GJA1: variants seen among roughly 807,000 people sequenced by gnomAD.
The protein encoded by GJA1 is gap junction alpha-1 protein.
GJA1 carries 9 observed loss-of-function variants against 31.0 expected under a neutral mutation model. The observed-to-expected ratio is 0.29, with a 90% CI of 0.17 to 0.51. The LOEUF (loss-of-function observed/expected upper bound fraction) is 0.51, where lower values mean the gene tolerates loss of function less well. Ranked by LOEUF, GJA1 falls within the 20% of genes least tolerant of loss-of-function variation. GJA1 has a pLI of 0.98. For missense variants in GJA1, 278 were observed against 468.8 expected, an observed-to-expected ratio of 0.59 and a Z score of 3.76; for synonymous variants, 186 against 180.1, an observed-to-expected ratio of 1.03 and a Z score of -0.26.
intron 1 of GJA1, among the ~76,000 whole-genome samples, chr6:121,441,012 G>C (rs1364891840): frequency 7.5e-6 from 1 of 133,592 alleles, no homozygotes; most frequent in Non-Finnish European, 1.6e-5. Flanking sequence ...GCGCGATCCC[G>C]GCTCACTGCA....
chr6:121,440,364 T>C (rs1464754665), intron 1 of GJA1, among the ~76,000 whole-genome samples: 1 of 152,176 alleles, frequency 6.6e-6, no homozygotes, highest in African/African-American at 2.4e-5. Context: ...AAAAGCCTTT[T>C]TTCTTTTTTC....
intron 1 of GJA1, among the ~76,000 whole-genome samples, chr6:121,442,789 G>A (rs1186943835): frequency 2.0e-5 from 3 of 152,220 alleles, no homozygotes; most frequent in Non-Finnish European, 4.4e-5. Context: ...AGTGCCTGTA[G>A]CTTTGGGCAT....
rs992537025 is a variant in GJA1 at position 121,435,781 on chromosome 6, C to G, written c.-68C>G. 1 of 152,186 alleles carries G rather than the reference C, an allele frequency of 6.6e-6. No homozygotes were observed. Among genetic ancestry groups the G allele is most frequent in the African/African-American group, 2.4e-5 (1 of 41,422 alleles). The allele number at this position is 152,186 out of a possible 1,614,324, so 9.4% of individuals were successfully genotyped here. A position where few individuals can be genotyped will look rare whatever the true frequency, so the allele number is the denominator to read the frequency against. On this transcript the variant is annotated 5_prime_UTR_variant, in exon 1 of 2. The change creates a new upstream start codon in the 5' untranslated region. Coordinates refer to ENST00000282561, the MANE Select transcript of GJA1 (RefSeq NM_000165.5). ...AACTTGCCTTTTCATTTTACTTCAT[C>G]CTCCAAGGAGTTCAATCACTTGGCG...
At chr6:121,440,195 T>C (rs1347081629) in intron 1 of GJA1, among the ~76,000 whole-genome samples, 2 of 149,412 alleles carry the variant, frequency 1.3e-5, no homozygotes, top group Admixed American at 1.3e-4. Context: ...AACCACACAG[T>C]TGTGTTTTTT....
chr6:121,438,151 C>T (rs1773699762), intron 1 of GJA1, among the ~76,000 whole-genome samples: 2 of 152,196 alleles, frequency 1.3e-5, no homozygotes, highest in South Asian at 4.1e-4. Context: ...ATTATTAGAA[C>T]ATTGTTCCCC....
At chr6:121,442,295 T>C (rs1237005004) in intron 1 of GJA1, among the ~76,000 whole-genome samples, 1 of 152,364 alleles carries the variant, frequency 6.6e-6, no homozygotes, top group East Asian at 1.9e-4. Flanking sequence ...ATTAATGGCA[T>C]GGAAAGACTT....
Position 121,448,833 on chromosome 6 carries a change from A to C in GJA1, c.*837A>C. On this transcript the variant is annotated 3_prime_UTR_variant, in exon 2 of 2. Coordinates refer to ENST00000282561, the MANE Select transcript of GJA1 (RefSeq NM_000165.5). The stretch of plus-strand genomic sequence containing the variant: ...ACAATCACTTATATGTGTGTCGAAG[A>C]GTTTGTTTTGTTTGTCATGTATTGG... The C allele has an allele frequency of 6.0e-6, 1 of 167,174 alleles. No individual in the cohort carries two copies. The allele number at this position is 167,174 out of a possible 1,614,324, so 10.4% of individuals were successfully genotyped here. A position where few individuals can be genotyped will look rare whatever the true frequency, so the allele number is the denominator to read the frequency against.
chr6:121,448,027 C>T lies in GJA1; in HGVS notation c.*31C>T. On this transcript the variant is annotated 3_prime_UTR_variant, in exon 2 of 2. Transcript: ENST00000282561. ...GGCTTGAAAGCATCAAGATTCCACT[C>T]AATTGTGGAGAAGAAAAAAGGTGCT... 7 of 1,580,922 alleles carry T rather than the reference C, an allele frequency of 4.4e-6. No homozygotes were observed. The highest frequency in any genetic ancestry group is 1.1e-5 in the South Asian group (1 of 90,362).
intron 1 of GJA1, among the ~76,000 whole-genome samples, chr6:121,445,214 G>A (rs1207695028): frequency 6.6e-6 from 1 of 152,114 alleles, no homozygotes; most frequent in African/African-American, 2.4e-5. Flanking sequence ...GTGCAGTGGC[G>A]TGATCTCTGC....
chr6:121,440,801 G>C (rs775953360), intron 1 of GJA1, among the ~76,000 whole-genome samples: 1 of 152,028 alleles, frequency 6.6e-6, no homozygotes, highest in Non-Finnish European at 1.5e-5. Flanking sequence ...GAGTGCAGTG[G>C]TGTGATCTCT....
At chr6:121,440,331 C>T (rs1218198263) in intron 1 of GJA1, among the ~76,000 whole-genome samples, 4 of 152,040 alleles carry the variant, frequency 2.6e-5, no homozygotes, top group Non-Finnish European at 5.9e-5. Flanking sequence ...TCTCATTTAA[C>T]AAATTCAGGA....
intron 1 of GJA1, among the ~76,000 whole-genome samples, chr6:121,442,123 T>G (rs187136344): frequency 6.6e-6 from 1 of 152,328 alleles, no homozygotes; most frequent in East Asian, 1.9e-4. Flanking sequence ...TCTCTTTTCT[T>G]TCAATCATAA....
At chr6:121,446,729 G>C (rs565630621) in intron 1 of GJA1, 103 bp from the exon 2 acceptor site, 5 of 831,676 alleles carry the variant, frequency 6.0e-6, no homozygotes, top group Admixed American at 1.8e-5. Flanking sequence ...TTAGAAATAC[G>C]TGAAACCGTT....
At chr6:121,441,241 C>T (rs1324295692) in intron 1 of GJA1, among the ~76,000 whole-genome samples, 1 of 151,878 alleles carries the variant, frequency 6.6e-6, no homozygotes, top group Non-Finnish European at 1.5e-5. Flanking sequence ...CTTAAGCCAC[C>T]GCACCCGGTC....
intron 1 of GJA1, among the ~76,000 whole-genome samples, chr6:121,439,129 C>T (rs1232257181): frequency 6.6e-6 from 1 of 151,716 alleles, no homozygotes; most frequent in Non-Finnish European, 1.5e-5. Context: ...AAGACCCCAC[C>T]TCTATAAAAA....
intron 1 of GJA1, among the ~76,000 whole-genome samples, chr6:121,443,546 G>A (rs2114278257): frequency 6.6e-6 from 1 of 152,260 alleles, no homozygotes; most frequent in Middle Eastern, 3.4e-3. Flanking sequence ...ATGGAACTGT[G>A]GAGTGTTTTT....
intron 1 of GJA1, among the ~76,000 whole-genome samples, chr6:121,443,340 C>T (rs958689796): frequency 1.3e-5 from 2 of 152,000 alleles, no homozygotes; most frequent in Admixed American, 1.3e-4. Flanking sequence ...TAGTGGAGAT[C>T]GACAGGTAGC....
rs1415412961 is a variant in GJA1 at position 121,447,501 on chromosome 6, G to A, written c.654G>A (p.Leu218=). The change falls in exon 2 of 2, where the codon TTG becomes TTA. Residue 218 remains leucine, a synonymous_variant. Coordinates refer to ENST00000282561, the MANE Select transcript of GJA1 (RefSeq NM_000165.5). ...TCATCTTCATGCTGGTGGTGTCCTT[G>A]GTGTCCCTGGCCTTGAATATCATTG... is the stretch of plus-strand genomic sequence containing the variant. ...IFIIFMLVVS[L]VSLALNIIEL... 4.4e-5 allele frequency: 71 copies of A among 1,613,936 alleles called. No individual in the cohort carries two copies. The highest frequency in any genetic ancestry group is 5.8e-5 in the Non-Finnish European group (68 of 1,179,938).
At chr6:121,437,928 G>A (rs531019148) in intron 1 of GJA1, among the ~76,000 whole-genome samples, 117 of 152,240 alleles carry the variant, frequency 7.7e-4, no homozygotes, top group African/African-American at 2.5e-3. Flanking sequence ...GTTTACTTTT[G>A]TGCAAGGATA....
Sources: gnomAD v4.1 joint callset for allele counts (sites outside exome capture counted in the v4.1 genomes callset) on GRCh38, gnomAD v4.1.1 for gene constraint, MANE v1.5 for transcripts, NCBI Gene and HGNC (gene_info 2026-07-23, HGNC 2026-07-21) for gene names.